The following PXDC1 variants were observed in gnomAD, a reference collection of about 807,000 sequenced individuals.
PXDC1 encodes the protein PX domain containing 1.
PXDC1 carries 13 observed loss-of-function variants against 24.4 expected under a neutral mutation model. That is an observed-to-expected ratio of 0.53 (90% CI 0.35 to 0.85). The LOEUF (loss-of-function observed/expected upper bound fraction) is 0.85. Among genes scored for constraint, PXDC1 ranks in the 40% least tolerant of loss-of-function variants. PXDC1 has a pLI of 0.01. For synonymous variants in PXDC1, 162 were observed against 124.9 expected, an observed-to-expected ratio of 1.30 and a Z score of -1.98; for missense variants, 344 against 309.3, an observed-to-expected ratio of 1.11 and a Z score of -0.84.
chr6:3,723,475 C>T lies in PXDC1; in HGVS notation c.*144G>A. On this transcript the variant is annotated 3_prime_UTR_variant, in exon 5 of 5. Coordinates refer to ENST00000380283, the MANE Select transcript of PXDC1 (RefSeq NM_183373.4). ...CCCCTGCTGCTCCACTTGCAGGACA[C>T]CCAGGCCTCCTGGCGTCAGTGGGGC... 1 of 700,056 alleles carries T rather than the reference C, an allele frequency of 1.4e-6. No individual in the cohort carries two copies. The highest frequency in any genetic ancestry group is 2.5e-5 in the East Asian group (1 of 40,350). 43.4% of individuals were successfully genotyped at this position (700,056 alleles called of 1,614,324 possible).
intron 1 of PXDC1, chr6:3,738,663 A>AG (rs11390464): frequency 0.54 from 314,862 of 581,318 alleles, 89,769 homozygotes; most frequent in Non-Finnish European, 0.59. Flanking sequence ...GAAAAAAGTC[A>AG]GATCTCTGCC....
chr6:3,741,243 T>A (rs1308220217), intron 1 of PXDC1, among the ~76,000 whole-genome samples: 1 of 152,244 alleles, frequency 6.6e-6, no homozygotes, highest in African/African-American at 2.4e-5. Context: ...TGTGGAAATG[T>A]GCAGAACCAC....
intron 1 of PXDC1, among the ~76,000 whole-genome samples, chr6:3,746,444 C>T (rs1344755749): frequency 1.3e-5 from 2 of 152,168 alleles, no homozygotes; most frequent in Non-Finnish European, 2.9e-5. Flanking sequence ...ACCCCCAGTG[C>T]AGGGTGACTT....
intron 1 of PXDC1, among the ~76,000 whole-genome samples, chr6:3,743,228 G>T (rs572499802): frequency 6.6e-6 from 1 of 152,184 alleles, no homozygotes; most frequent in South Asian, 2.1e-4. Flanking sequence ...GCTCGGGTGC[G>T]CTGGGAGGTC....
Position 3,739,244 on chromosome 6 carries a change from C to T in PXDC1, c.257-1096G>A, listed in dbSNP as rs1760401288. On this transcript the variant is annotated intron_variant, in intron 1 of 4. Transcript: ENST00000380283. ...AGAGCATACAGTCCATGAAAACTCC[C>T]ACCAGGGCTCCCCAGACATAGGTCA... is the stretch of plus-strand genomic sequence containing the variant. The T allele has an allele frequency of 4.6e-6, 3 of 658,012 alleles. No individual in the cohort carries two copies. In the South Asian group the frequency reaches 1.4e-4, roughly 30 times the overall value. 40.8% of individuals were successfully genotyped at this position (658,012 alleles called of 1,614,324 possible).
chr6:3,741,344 G>A (rs895209587), intron 1 of PXDC1, among the ~76,000 whole-genome samples: 2 of 152,340 alleles, frequency 1.3e-5, no homozygotes, highest in South Asian at 4.1e-4. Context: ...CAAACAAAAG[G>A]AGCCTGAGAA....
Position 3,737,266 on chromosome 6 carries a change from G to A in PXDC1, c.349-70C>T. On this transcript the variant is annotated intron_variant, in intron 2 of 4. Transcript: ENST00000380283. This position sits in a 1 kb window ranked among gnomAD's most constrained non-coding sequence, Gnocchi z 5.5. ...CGTTGGCCCTGTCTGTCTACCAAGA[G>A]AGGGCCCCGCTCCTCCGCAGAGGCA... 9.2e-7 allele frequency: 1 copy of A among 1,091,032 alleles called. No individual in the cohort carries two copies. Among genetic ancestry groups the A allele is most frequent in the South Asian group, 1.3e-5 (1 of 77,396 alleles). The allele number at this position is 1,091,032 out of a possible 1,614,324, so 67.6% of individuals were successfully genotyped here.
At chr6:3,743,151 T>C (rs144257618) in intron 1 of PXDC1, among the ~76,000 whole-genome samples, 59 of 152,258 alleles carry the variant, frequency 3.9e-4, no homozygotes, top group Middle Eastern at 3.4e-3. Context: ...AGGGAGGACC[T>C]TGGCCATCTG....
Position 3,737,079 on chromosome 6 carries a change from C to A in PXDC1, c.466G>T (p.Glu156Ter). 1 of 1,585,928 alleles carries A rather than the reference C, an allele frequency of 6.3e-7. No homozygotes were observed. Among genetic ancestry groups the A allele is most frequent in the Non-Finnish European group, 8.7e-7 (1 of 1,154,234 alleles). ...CCAACGCCTCCTTTGTGGCTCTTAC[C>A]TGATATTTTGACTGGACTTTGAAAG... ...PSFQSPVKIS[E>*]IMRSNGFCLA... Residue 156 changes from glutamate (E) to a stop codon, truncating the protein, a stop_gained and splice_region_variant, in exon 3 of 5, where the codon GAA becomes TAA. Transcript: ENST00000380283. LOFTEE classifies it high-confidence loss of function. This position sits in a 1 kb window ranked among gnomAD's most constrained non-coding sequence, Gnocchi z 5.5.
chr6:3,733,976 G>A lies in PXDC1; in HGVS notation c.466+3103C>T, dbSNP rs115825965. Among the ~76,000 whole-genome samples the A allele has an allele frequency of 2.1e-3, 325 of 152,204 alleles. 2 individuals carry two copies. The highest frequency in any genetic ancestry group is 7.2e-3 in the African/African-American group (301 of 41,528). ...GTAATAATTCATCTTGCTGCATCCC[G>A]GGGACAGTCTTGACTTGCATAAGGA... is the stretch of plus-strand genomic sequence containing the variant. On this transcript the variant is annotated intron_variant, in intron 3 of 4. Coordinates refer to ENST00000380283, the MANE Select transcript of PXDC1 (RefSeq NM_183373.4).
Position 3,724,318 on chromosome 6 carries a change from A to G in PXDC1, c.579-582T>C, listed in dbSNP as rs1049773725. Among the ~76,000 whole-genome samples the G allele has an allele frequency of 9.9e-5, 15 of 152,108 alleles. No homozygotes were observed. The highest frequency in any genetic ancestry group is 5.2e-4 in the Admixed American group (8 of 15,276). ...TCTGGCAGATGAGAAGCATCCGAACATGGGGGACTTACATGGGGTGTGGAG... is the reference window on the plus strand; with the variant it reads ...TCTGGCAGATGAGAAGCATCCGAACGTGGGGGACTTACATGGGGTGTGGAG... On this transcript the variant is annotated intron_variant, in intron 4 of 4. Transcript: ENST00000380283. This position sits in a 1 kb window ranked among gnomAD's most constrained non-coding sequence, Gnocchi z 4.5.
chr6:3,739,808 G>C (rs534280037), intron 1 of PXDC1, among the ~76,000 whole-genome samples: 1 of 152,252 alleles, frequency 6.6e-6, no homozygotes, highest in East Asian at 1.9e-4. Context: ...AATTTACATA[G>C]AATTTCAAAT....
At chr6:3,729,817 C>T (rs1760155463) in intron 3 of PXDC1, among the ~76,000 whole-genome samples, 1 of 152,168 alleles carries the variant, frequency 6.6e-6, no homozygotes, top group African/African-American at 2.4e-5. Context: ...CCCTTTCTCC[C>T]ACCCCTTTTG....
intron 1 of PXDC1, among the ~76,000 whole-genome samples, chr6:3,738,593 G>A (rs759324584): frequency 7.9e-5 from 12 of 152,152 alleles, no homozygotes; most frequent in Admixed American, 2.0e-4. Flanking sequence ...TGCTCAGATC[G>A]CAGACCCCTG....
In PXDC1 at chr6:3,737,058, C is replaced by T. The variant is rs747615698; in HGVS notation, c.466+21G>A. The T allele has an allele frequency of 9.7e-6, 14 of 1,440,858 alleles. No homozygotes were observed. In the South Asian group the frequency reaches 1.0e-4, roughly 11 times the overall value. The allele number at this position is 1,440,858 out of a possible 1,614,324, so 89.3% of individuals were successfully genotyped here. A position where few individuals can be genotyped will look rare whatever the true frequency, so the allele number is the denominator to read the frequency against. ...CCTCAACAGCAGTCCCTCCCACCAA[C>T]GCCTCCTTTGTGGCTCTTACCTGAT... On this transcript the variant is annotated intron_variant, in intron 3 of 4. Coordinates refer to ENST00000380283, the MANE Select transcript of PXDC1 (RefSeq NM_183373.4). The surrounding 1 kb of genome is among the most constrained non-coding windows in gnomAD (Gnocchi z 5.5).
intron 1 of PXDC1, among the ~76,000 whole-genome samples, chr6:3,742,160 T>C (rs1346225557): frequency 6.6e-6 from 1 of 152,160 alleles, no homozygotes. Flanking sequence ...AACTATGAGT[T>C]TAAGAAATAC....
At chr6:3,747,150 C>A (rs1760589435) in intron 1 of PXDC1, among the ~76,000 whole-genome samples, 1 of 151,926 alleles carries the variant, frequency 6.6e-6, no homozygotes, top group African/African-American at 2.4e-5. Flanking sequence ...CATGTCAACT[C>A]CTCCTGCCGA....
At chr6:3,739,083 A>C in intron 1 of PXDC1, 1 of 1,180,226 alleles carries the variant, frequency 8.5e-7, no homozygotes, top group Non-Finnish European at 1.1e-6. Context: ...ACGGAGACTA[A>C]CTTTTTCAGA....
chr6:3,723,844 A>G, intron 4 of PXDC1, 108 bp from the exon 5 acceptor site: 1 of 807,494 alleles, frequency 1.2e-6, no homozygotes, highest in Admixed American at 2.1e-5. Flanking sequence ...TAAGTGTGCA[A>G]AAAAACCACG....
Sources: allele counts gnomAD v4.1 joint callset (sites outside exome capture counted in the v4.1 genomes callset), GRCh38; gene constraint gnomAD v4.1.1; non-coding constraint Gnocchi (gnomAD v3.1); transcripts MANE v1.5; gene names NCBI Gene and HGNC (gene_info 2026-07-23, HGNC 2026-07-21).